Variants in ZNF180 observed in about 807,000 individuals in gnomAD.
ZNF180 encodes zinc finger protein 180 (HHZ168).
A neutral mutation model predicts 11.8 loss-of-function variants in ZNF180; 11 were observed. The ratio of observed to expected loss-of-function variants is 0.93; its 90% confidence interval spans 0.59 to 1.55. ZNF180 has a LOEUF of 1.55. Ranked by LOEUF, ZNF180 falls within the 40% of genes most tolerant of loss-of-function variation. The pLI is 0.00. For synonymous variants in ZNF180, 287 were observed against 257.7 expected, an observed-to-expected ratio of 1.11 and a Z score of -1.09; for missense variants, 773 against 781.7, an observed-to-expected ratio of 0.99 and a Z score of 0.13.
At chr19:44,490,245 A>G (rs1208935496) in intron 2 of ZNF180, among the ~76,000 whole-genome samples, 1 of 152,128 alleles carries the variant, frequency 6.6e-6, no homozygotes, top group Non-Finnish European at 1.5e-5. Flanking sequence ...AAAAAAAACT[A>G]CTGTTCTTAA....
chr19:44,488,835 C>T (rs1970324818), intron 2 of ZNF180, among the ~76,000 whole-genome samples: 1 of 152,094 alleles, frequency 6.6e-6, no homozygotes, highest in Admixed American at 6.5e-5. Flanking sequence ...CTCTGCCCGG[C>T]CGCAACCCCG....
chr19:44,484,582 G>T, intron 2 of ZNF180, 147 bp from the exon 3 acceptor site: 3 of 656,478 alleles, frequency 4.6e-6, no homozygotes, highest in Non-Finnish European at 8.3e-6. Flanking sequence ...TCCTCCTAGT[G>T]GTAAGCTCCG....
chr19:44,489,865 AAGAAAGAGAGAGAAAG>A (rs1410761833), intron 2 of ZNF180, among the ~76,000 whole-genome samples: 5 of 146,710 alleles, frequency 3.4e-5, no homozygotes, highest in African/African-American at 1.2e-4. Context: ...AAGAACAAGA[AAGAAAGAGAGAGAAAG>A]AGAGAGAGAG....
At chr19:44,482,000 C>T (rs1970093456) in intron 3 of ZNF180, among the ~76,000 whole-genome samples, 1 of 152,140 alleles carries the variant, frequency 6.6e-6, no homozygotes, top group Non-Finnish European at 1.5e-5. Context: ...GCCCTTGAAA[C>T]TCATCTTTTG....
At position 44,475,070 on chromosome 19, in the gene ZNF180, T is replaced by C. The variant is rs1460772838; in HGVS notation, c.*1332A>G. On this transcript the variant is annotated 3_prime_UTR_variant, in exon 5 of 5. Coordinates refer to ENST00000592529, the MANE Select transcript of ZNF180 (RefSeq NM_001278509.3). ...ATTATCTGGTCTCTCAGTTCAACTT[T>C]CAGCTTATTACCTTTCTGGGATCAG... The C allele has an allele frequency of 6.6e-6, 1 of 152,246 alleles. No individual in the cohort carries two copies. Among genetic ancestry groups the C allele is most frequent in the Non-Finnish European group, 1.5e-5 (1 of 68,052 alleles). 9.4% of individuals were successfully genotyped at this position (152,246 alleles called of 1,614,324 possible). A position where few individuals can be genotyped will look rare whatever the true frequency, so the allele number is the denominator to read the frequency against.
rs995265574 is a variant in ZNF180 at position 44,488,007 on chromosome 19, G to A, written c.52-3572C>T. Among the ~76,000 whole-genome samples, 7 of 151,962 alleles carry A rather than the reference G, an allele frequency of 4.6e-5. No individual in the cohort carries two copies. In the East Asian group the frequency reaches 5.8e-4, roughly 13 times the overall value. On this transcript the variant is annotated intron_variant, in intron 2 of 4. Transcript: ENST00000592529. Reference sequence around the variant, plus strand: ...CCCAAAGTGCTGGGATTACAGGCGTGAGCCACCGTGCCCAGACTACTTTTA... The same window carrying A: ...CCCAAAGTGCTGGGATTACAGGCGTAAGCCACCGTGCCCAGACTACTTTTA...
chr19:44,479,126 C>T (rs1433062941), intron 4 of ZNF180, among the ~76,000 whole-genome samples, 157 bp downstream of exon 4: 1 of 152,186 alleles, frequency 6.6e-6, no homozygotes, highest in Non-Finnish European at 1.5e-5. Context: ...TTCTACCCTA[C>T]AAACTAAAAT....
chr19:44,492,495 G>C (rs979265700), intron 2 of ZNF180, among the ~76,000 whole-genome samples: 1 of 152,142 alleles, frequency 6.6e-6, no homozygotes, highest in Admixed American at 6.5e-5. Flanking sequence ...CAGAGAAAAG[G>C]GTTGTGGGCA....
In ZNF180 at chr19:44,477,394, T is replaced by C; in HGVS notation, c.1006A>G (p.Ser336Gly). Residue 336 changes from serine to glycine, a missense_variant, in exon 5 of 5, where the codon AGC (serine) becomes GGC (glycine). Physicochemically the swap from Ser to Gly is moderately conservative, Grantham distance 56. Coordinates refer to ENST00000592529, the MANE Select transcript of ZNF180 (RefSeq NM_001278509.3). ...TGTGCAACAAGATGCGAGCTCCAGC[T>C]GAAGGATTTCCCACACTGATTACAT... is the stretch of plus-strand genomic sequence containing the variant. ...FECNQCGKSF[S>G]WSSHLVAHQR... The C allele has an allele frequency of 6.2e-7, 1 of 1,614,190 alleles. No individual in the cohort carries two copies. Among genetic ancestry groups the C allele is most frequent in the Non-Finnish European group, 8.5e-7 (1 of 1,180,024 alleles).
intron 2 of ZNF180, among the ~76,000 whole-genome samples, chr19:44,493,186 G>A (rs1450197191): frequency 4.6e-5 from 7 of 152,150 alleles, no homozygotes; most frequent in Non-Finnish European, 7.4e-5. Context: ...CCAACAACCT[G>A]CACAACTTCG....
chr19:44,476,759 T>C lies in ZNF180; in HGVS notation c.1641A>G (p.Glu547=), dbSNP rs1432964589. The change falls in exon 5 of 5, where the codon GAA becomes GAG. Residue 547 remains glutamate, a synonymous_variant. Transcript: ENST00000592529. ...CACACTGATTACATTCATACGGTTT[T>C]TCCCCAGTGTGAATTCTCTGATGCA... ...LVMHQRIHTG[E]KPYECNQCGK... is the part of the protein sequence containing the mutation. 6.2e-7 allele frequency: 1 copy of C among 1,613,986 alleles called. No homozygotes were observed. The highest frequency in any genetic ancestry group is 2.2e-5 in the East Asian group (1 of 44,838).
chr19:44,478,006 T>A lies in ZNF180; in HGVS notation c.394A>T (p.Lys132Ter). 2 of 1,614,100 alleles carry A rather than the reference T, an allele frequency of 1.2e-6. No individual in the cohort carries two copies. The highest frequency in any genetic ancestry group is 1.7e-6 in the Non-Finnish European group (2 of 1,179,980). ...LSSCEEVDDC[K>*]DQLEKQQEKQ... is the part of the protein sequence containing the mutation. ...TCCTGTTGCTTCTCCAACTGGTCTT[T>A]ACAATCATCCACTTCTTCACATGAA... Residue 132 changes from lysine (K) to a stop codon, truncating the protein, a stop_gained, in exon 5 of 5, where the codon AAA becomes TAA. Transcript: ENST00000592529. LOFTEE classifies it low-confidence loss of function (END_TRUNC).
chr19:44,477,118 G>A lies in ZNF180; in HGVS notation c.1282C>T (p.His428Tyr). 1 of 1,613,992 alleles carries A rather than the reference G, an allele frequency of 6.2e-7. No homozygotes were observed. The highest frequency in any genetic ancestry group is 1.1e-5 in the South Asian group (1 of 91,068). Residue 428 changes from histidine (H) to tyrosine (Y), a missense_variant, in exon 5 of 5, where the codon CAT becomes TAT. Physicochemically the swap from His to Tyr is moderately conservative, Grantham distance 83. Coordinates refer to ENST00000592529, the MANE Select transcript of ZNF180 (RefSeq NM_001278509.3). ...SFRQSYKLIA[H>Y]QRTHTGEKPY... ...TTCTCTCCGGTATGTGTTCTTTGAT[G>A]TGCAATAAGTTTATAGCTCTGCCTG...
chr19:44,477,117 T>C lies in ZNF180; in HGVS notation c.1283A>G (p.His428Arg), dbSNP rs142038434. Residue 428 changes from histidine to arginine, a missense_variant, in exon 5 of 5, where the codon CAT (histidine) becomes CGT (arginine). His to Arg is a conservative substitution (Grantham distance 29, BLOSUM62 0). Transcript: ENST00000592529. ...SFRQSYKLIA[H>R]QRTHTGEKPY... ...CTTCTCTCCGGTATGTGTTCTTTGA[T>C]GTGCAATAAGTTTATAGCTCTGCCT... 2 of 1,614,122 alleles carry C rather than the reference T, an allele frequency of 1.2e-6. No individual in the cohort carries two copies. Among genetic ancestry groups the C allele is most frequent in the African/African-American group, 2.7e-5 (2 of 75,080 alleles).
rs146300903 is a variant in ZNF180, at chr19:44,477,384, G to T, written c.1016C>A (p.Ser339Ter). Residue 339 changes from serine to a stop codon, truncating the protein, a stop_gained, in exon 5 of 5, where the codon TCG becomes TAG. Coordinates refer to ENST00000592529, the MANE Select transcript of ZNF180 (RefSeq NM_001278509.3). LOFTEE classifies it low-confidence loss of function (END_TRUNC). Reference protein sequence around the residue: ...NQCGKSFSWSSHLVAHQRTHT... With the variant: ...NQCGKSFSWS The stretch of plus-strand genomic sequence containing the variant: ...AGTTCTCTGATGTGCAACAAGATGC[G>T]AGCTCCAGCTGAAGGATTTCCCACA... 4 of 1,613,710 alleles carry T rather than the reference G, an allele frequency of 2.5e-6. No individual in the cohort carries two copies. The highest frequency in any genetic ancestry group is 3.4e-6 in the Non-Finnish European group (4 of 1,179,912).
intron 1 of ZNF180, 21 bp from the exon 2 acceptor site, chr19:44,497,398 A>G (rs767076082): frequency 2.5e-6 from 4 of 1,580,398 alleles, no homozygotes; most frequent in Middle Eastern, 1.7e-4. Context: ...CCCCAAGTAC[A>G]GCATGAAGAT....
chr19:44,498,714 C>A (rs1265296969), intron 1 of ZNF180, among the ~76,000 whole-genome samples: 1 of 152,146 alleles, frequency 6.6e-6, no homozygotes, highest in African/African-American at 2.4e-5. Context: ...CTCCCCCCCA[C>A]ACACCTGGGC....
chr19:44,476,501 G>C lies in ZNF180; in HGVS notation c.1899C>G (p.Pro633=), dbSNP rs552141231. 9 of 1,614,112 alleles carry C rather than the reference G, an allele frequency of 5.6e-6. No homozygotes were observed. The East Asian group carries it at 8.9e-5, about 16-fold the overall frequency. Residue 633 remains proline, a synonymous_variant, in exon 5 of 5, where the codon CCC becomes CCG. Coordinates refer to ENST00000592529, the MANE Select transcript of ZNF180 (RefSeq NM_001278509.3). ...VHQRTHTGEK[P]FTCIQCGKAF... is the part of the protein sequence containing the mutation. Reference sequence around the variant, plus strand: ...CTTTTCCACACTGAATACATGTAAAGGGTTTCTCTCCAGTATGAGTTCTTT... The same window carrying C: ...CTTTTCCACACTGAATACATGTAAACGGTTTCTCTCCAGTATGAGTTCTTT...
In ZNF180 at chr19:44,479,288, G is replaced by A. The variant is rs138817761; in HGVS notation, c.248C>T (p.Ser83Phe). ...VILENHRDLV[S>F]WDLATAVGKK... Reference sequence around the variant, plus strand: ...AAAGAGGAGTGTATTCTTACCCCAAGAGACTAGGTCCCTGTGGTTCTCCAG... The same window carrying A: ...AAAGAGGAGTGTATTCTTACCCCAAAAGACTAGGTCCCTGTGGTTCTCCAG... Residue 83 changes from serine to phenylalanine, a missense_variant, in exon 4 of 5, where the codon TCT becomes TTT. Physicochemically the swap from Ser to Phe is radical, Grantham distance 155 (BLOSUM62 -2). Transcript: ENST00000592529. 6.2e-6 allele frequency: 10 copies of A among 1,613,264 alleles called. No individual in the cohort carries two copies. In the African/African-American group the frequency reaches 8.0e-5, roughly 13 times the overall value.
Sources: gnomAD v4.1 joint callset for allele counts (sites outside exome capture counted in the v4.1 genomes callset) on GRCh38, gnomAD v4.1.1 for gene constraint, MANE v1.5 for transcripts, NCBI Gene and HGNC (gene_info 2026-07-23, HGNC 2026-07-21) for gene names.